Variants in SEMA5A observed in about 807,000 individuals in gnomAD.
The protein encoded by SEMA5A is semaphorin 5A, also known as semaphorin-5A.
A neutral mutation model predicts 135.5 loss-of-function variants in SEMA5A; 55 were observed. That is an observed-to-expected ratio of 0.41 (90% CI 0.33 to 0.51). The LOEUF (loss-of-function observed/expected upper bound fraction) is 0.51. Among genes scored for constraint, SEMA5A ranks in the 20% least tolerant of loss-of-function variants. The pLI is 0.37. For missense variants in SEMA5A, 1,290 were observed against 1,419.9 expected (o/e 0.91, Z 1.47); for synonymous variants, 580 against 546.5 (o/e 1.06, Z -0.85).
At chr5:9,508,835 C>T (rs992778916) in intron 1 of SEMA5A, among the ~76,000 whole-genome samples, 37 of 152,264 alleles carry the variant, frequency 2.4e-4, no homozygotes, top group African/African-American at 8.4e-4. Context: ...CCATGTCTGT[C>T]TTCTCCGTCA....
chr5:9,479,086 G>A (rs904222533), intron 1 of SEMA5A, among the ~76,000 whole-genome samples: 10 of 152,228 alleles, frequency 6.6e-5, no homozygotes, highest in East Asian at 1.9e-4. Context: ...CTACATGTAC[G>A]ACGTGCCTCA....
At chr5:9,386,692 G>A (rs764043266) in intron 2 of SEMA5A, among the ~76,000 whole-genome samples, 1 of 152,218 alleles carries the variant, frequency 6.6e-6, no homozygotes, top group Non-Finnish European at 1.5e-5. Flanking sequence ...CTGCTTCCAC[G>A]TGAAAGGTTG....
chr5:9,305,815 A>C (rs1751843446), intron 5 of SEMA5A, among the ~76,000 whole-genome samples: 1 of 151,810 alleles, frequency 6.6e-6, no homozygotes, highest in African/African-American at 2.4e-5. Flanking sequence ...TTTTAAGGGA[A>C]GTTCTCAGGG....
chr5:9,321,626 T>C (rs1322119353), intron 4 of SEMA5A, among the ~76,000 whole-genome samples: 1 of 152,234 alleles, frequency 6.6e-6, no homozygotes, highest in African/African-American at 2.4e-5. Flanking sequence ...ACACTTGGAA[T>C]GAAGTCTGAC....
At chr5:9,423,428 T>C (rs879887857) in intron 2 of SEMA5A, among the ~76,000 whole-genome samples, 1 of 152,226 alleles carries the variant, frequency 6.6e-6, no homozygotes, top group Non-Finnish European at 1.5e-5. Flanking sequence ...GCGCAGCCTT[T>C]TCACAAAGGC....
intron 1 of SEMA5A, among the ~76,000 whole-genome samples, chr5:9,510,136 T>C (rs1008546132): frequency 8.5e-5 from 13 of 152,192 alleles, no homozygotes; most frequent in African/African-American, 2.7e-4. Context: ...TTGAAAGCCA[T>C]GCCATTTTAA....
chr5:9,486,735 C>G (rs994551023), intron 1 of SEMA5A, among the ~76,000 whole-genome samples: 3 of 152,084 alleles, frequency 2.0e-5, no homozygotes, highest in African/African-American at 7.2e-5. Context: ...AGAAACCTTA[C>G]ATATAAAGTG....
At chr5:9,086,205 A>AT (rs1268060684) in intron 16 of SEMA5A, among the ~76,000 whole-genome samples, 1 of 152,064 alleles carries the variant, frequency 6.6e-6, no homozygotes, top group Non-Finnish European at 1.5e-5. Context: ...GTGTGTTAAG[A>AT]TTTTGGGGGA....
intron 21 of SEMA5A, among the ~76,000 whole-genome samples, chr5:9,045,654 T>A (rs1736211908): frequency 6.6e-6 from 1 of 152,178 alleles, no homozygotes; most frequent in Non-Finnish European, 1.5e-5. Context: ...ATTTTGAAGG[T>A]CTTGTCAAGA....
Position 9,050,418 on chromosome 5 carries a change from C to A in SEMA5A, c.2885G>T (p.Arg962Met), listed in dbSNP as rs751672788. Residue 962 changes from arginine (R) to methionine (M), a missense_variant, in exon 21 of 23, where the codon AGG becomes ATG. Arg to Met is a moderately conservative substitution (Grantham distance 91, BLOSUM62 -1). Coordinates refer to ENST00000382496, the MANE Select transcript of SEMA5A (RefSeq NM_003966.3). ...VARSSSVEEK[R>M]CGEFNMFHMI... The stretch of plus-strand genomic sequence containing the variant: ...TAAAAGGAATAACGTACCTCCACAC[C>A]TTTTCTCTTCTACGCTACTGGATCT... 1 of 1,612,258 alleles carries A rather than the reference C, an allele frequency of 6.2e-7. No homozygotes were observed. Among genetic ancestry groups the A allele is most frequent in the East Asian group, 2.2e-5 (1 of 44,850 alleles).
chr5:9,306,458 ATTAT>A (rs67793452), intron 5 of SEMA5A, among the ~76,000 whole-genome samples: 102,633 of 151,670 alleles, frequency 0.68, 37,826 homozygotes, highest in Non-Finnish European at 0.83. Flanking sequence ...TATGTCAGAT[ATTAT>A]TTGTTTTTAA....
rs914855258 is a variant in SEMA5A at position 9,545,259 on chromosome 5, T to C, written c.-175+325A>G. On this transcript the variant is annotated intron_variant, in intron 1 of 22. Transcript: ENST00000382496. The surrounding 1 kb of genome is among the most constrained non-coding windows in gnomAD (Gnocchi z 4.5). The stretch of plus-strand genomic sequence containing the variant: ...GCGGGCACAGACCAGTGTGCGCACC[T>C]TTCCGGGTGTTGGGCAGGGGTCCCG... Among the ~76,000 whole-genome samples the C allele has an allele frequency of 6.6e-5, 10 of 152,068 alleles. No individual in the cohort carries two copies. Among genetic ancestry groups the C allele is most frequent in the Non-Finnish European group, 1.5e-4 (10 of 68,000 alleles).
At chr5:9,392,246 A>C (rs415024) in intron 2 of SEMA5A, among the ~76,000 whole-genome samples, 105,267 of 151,992 alleles carry the variant, frequency 0.69, 36,604 homozygotes, top group Admixed American at 0.74. Context: ...AAAACTACTT[A>C]AAATTGCTTG....
At chr5:9,481,105 C>G (rs1212724370) in intron 1 of SEMA5A, among the ~76,000 whole-genome samples, 5 of 152,030 alleles carry the variant, frequency 3.3e-5, no homozygotes, top group Admixed American at 2.6e-4. Context: ...AACTACCACG[C>G]CCAGCTAATT....
At chr5:9,503,059 G>A (rs1735677256) in intron 1 of SEMA5A, among the ~76,000 whole-genome samples, 1 of 152,142 alleles carries the variant, frequency 6.6e-6, no homozygotes, top group African/African-American at 2.4e-5. Flanking sequence ...ATGAATAACT[G>A]GGATAAAGCT....
In SEMA5A at chr5:9,038,296, G is replaced by A. The variant is rs1422939426; in HGVS notation, c.*4601C>T. The A allele has an allele frequency of 6.6e-6, 1 of 152,196 alleles. No individual in the cohort carries two copies. Among genetic ancestry groups the A allele is most frequent in the Non-Finnish European group, 1.5e-5 (1 of 68,020 alleles). 9.4% of individuals were successfully genotyped at this position (152,196 alleles called of 1,614,324 possible). On this transcript the variant is annotated 3_prime_UTR_variant, in exon 23 of 23. Coordinates refer to ENST00000382496, the MANE Select transcript of SEMA5A (RefSeq NM_003966.3). ...GCCCTGCCATGTGGAAAATGGTTAT[G>A]CAGTCGCTGTTAATTTTATCAACCA...
intron 13 of SEMA5A, among the ~76,000 whole-genome samples, chr5:9,123,473 AAGG>A (rs1407734096): frequency 6.6e-6 from 1 of 150,720 alleles, no homozygotes; most frequent in Non-Finnish European, 1.5e-5. Flanking sequence ...GAAAAAGGAG[AAGG>A]AGAAGAATGA....
At chr5:9,500,126 G>T (rs148673303) in intron 1 of SEMA5A, among the ~76,000 whole-genome samples, 26 of 152,316 alleles carry the variant, frequency 1.7e-4, no homozygotes, top group African/African-American at 5.8e-4. Flanking sequence ...TTGGAGATAA[G>T]TTATTGTCAA....
Position 9,258,803 on chromosome 5 carries a change from C to CTTTTTTTTTTTT in SEMA5A, c.271-20925_271-20914dup, listed in dbSNP as rs748703578. ...ATTATTTGTCTTTTCTTCTTTCTTT[C>CTTTTTTTTTTTT]TTTTTTTTTTTTTTTTTTTTTTTTT... On this transcript the variant is annotated intron_variant, in intron 5 of 22. Coordinates refer to ENST00000382496, the MANE Select transcript of SEMA5A (RefSeq NM_003966.3). Among the ~76,000 whole-genome samples, 205 of 48,952 alleles carry CTTTTTTTTTTTT rather than the reference C, an allele frequency of 4.2e-3. 26 individuals carry two copies. The highest frequency in any genetic ancestry group is 7.2e-3 in the East Asian group (9 of 1,252). The allele number at this position is 48,952 out of a possible 152,430, so 32.1% of individuals were successfully genotyped here. A position where few individuals can be genotyped will look rare whatever the true frequency, so the allele number is the denominator to read the frequency against.
Sources: allele counts gnomAD v4.1 joint callset (sites outside exome capture counted in the v4.1 genomes callset), GRCh38; gene constraint gnomAD v4.1.1; non-coding constraint Gnocchi (gnomAD v3.1); transcripts MANE v1.5; gene names NCBI Gene and HGNC (gene_info 2026-07-23, HGNC 2026-07-21).